DLGAP1: variants seen among roughly 807,000 people sequenced by gnomAD.
DLGAP1 encodes the protein disks large-associated protein 1.
DLGAP1 carries 11 observed loss-of-function variants against 90.8 expected under a neutral mutation model. The ratio of observed to expected loss-of-function variants is 0.12; its 90% CI spans 0.08 to 0.20. The LOEUF (loss-of-function observed/expected upper bound fraction) is 0.20. DLGAP1 is among the 10% of genes least tolerant of loss of function. The pLI is 1.00. For synonymous variants in DLGAP1, 558 were observed against 540.7 expected (o/e 1.03, Z -0.44); for missense variants, 1,050 against 1,333.8 (o/e 0.79, Z 3.31).
At chr18:4,037,281 G>A (rs896421265) in intron 2 of DLGAP1, among the ~76,000 whole-genome samples, 9 of 152,124 alleles carry the variant, frequency 5.9e-5, no homozygotes, top group African/African-American at 1.9e-4. Context: ...TATTAATATG[G>A]ATAGATGGAT....
intron 1 of DLGAP1, among the ~76,000 whole-genome samples, chr18:4,253,462 G>T (rs57096107): frequency 6.6e-6 from 1 of 152,234 alleles, no homozygotes; most frequent in African/African-American, 2.4e-5. Context: ...CCAGGCTGGA[G>T]TGCAGTGGCA....
chr18:3,873,734 T>A (rs749491096), intron 4 of DLGAP1, among the ~76,000 whole-genome samples: 6 of 152,190 alleles, frequency 3.9e-5, no homozygotes, highest in Non-Finnish European at 5.9e-5. Flanking sequence ...AGTGATCTTG[T>A]GTGGTACCTT....
At chr18:4,272,415 A>T (rs1057316015) in intron 1 of DLGAP1, among the ~76,000 whole-genome samples, 3 of 152,220 alleles carry the variant, frequency 2.0e-5, no homozygotes, top group Admixed American at 6.5e-5. Context: ...TGAATATATT[A>T]TCTCACTAAA....
At chr18:3,872,102 C>A (rs2070780730) in intron 4 of DLGAP1, among the ~76,000 whole-genome samples, 1 of 151,460 alleles carries the variant, frequency 6.6e-6, no homozygotes, top group Non-Finnish European at 1.5e-5. Context: ...AAAAAGCAGG[C>A]ATATTGCTAG....
intron 1 of DLGAP1, among the ~76,000 whole-genome samples, chr18:4,333,561 T>C (rs2080998182): frequency 6.6e-6 from 1 of 151,394 alleles, no homozygotes; most frequent in Non-Finnish European, 1.5e-5. Flanking sequence ...GCATTTTCTT[T>C]GGAACCCGGT....
At chr18:4,187,274 T>C (rs2077313021) in intron 1 of DLGAP1, among the ~76,000 whole-genome samples, 1 of 152,106 alleles carries the variant, frequency 6.6e-6, no homozygotes, top group Non-Finnish European at 1.5e-5. Context: ...GGCCAGGACT[T>C]CCAATACTAT....
chr18:3,731,587 T>TC (rs35125650), intron 6 of DLGAP1, among the ~76,000 whole-genome samples: 15 of 147,672 alleles, frequency 1.0e-4, no homozygotes, highest in African/African-American at 3.9e-4. Context: ...TTTTTTTTTT[T>TC]GGAGAGACAG....
intron 1 of DLGAP1, among the ~76,000 whole-genome samples, chr18:4,326,516 A>G (rs656832): frequency 0.52 from 78,705 of 151,962 alleles, 21,434 homozygotes; most frequent in African/African-American, 0.69. Context: ...AATGTAAACT[A>G]TTCTACCATA....
chr18:4,398,524 G>A (rs534342930), intron 1 of DLGAP1, among the ~76,000 whole-genome samples: 144 of 152,262 alleles, frequency 9.5e-4, no homozygotes, highest in Middle Eastern at 6.8e-3. Flanking sequence ...TAGCAGACCC[G>A]CAGTGTCTAT....
chr18:3,818,985 C>T (rs2067250300), intron 4 of DLGAP1, among the ~76,000 whole-genome samples: 1 of 151,910 alleles, frequency 6.6e-6, no homozygotes, highest in Non-Finnish European at 1.5e-5. Context: ...CTGACATTTC[C>T]CCCCACTTTA....
chr18:4,025,369 TGGATTTTCAGATTTG>T (rs1373669728), intron 2 of DLGAP1, among the ~76,000 whole-genome samples: 2 of 152,204 alleles, frequency 1.3e-5, no homozygotes, highest in African/African-American at 4.8e-5. Flanking sequence ...TTTCAGATTT[TGGATTTTCAGATTTG>T]GGATGCTGAT....
chr18:4,109,051 C>G (rs2143971500), intron 2 of DLGAP1, among the ~76,000 whole-genome samples: 1 of 152,296 alleles, frequency 6.6e-6, no homozygotes, highest in African/African-American at 2.4e-5. Context: ...CTTCATTAAA[C>G]AGTGAGCTCC....
At chr18:3,553,071 T>C (rs1453743162) in intron 9 of DLGAP1, among the ~76,000 whole-genome samples, 3 of 152,188 alleles carry the variant, frequency 2.0e-5, no homozygotes, top group Non-Finnish European at 4.4e-5. Flanking sequence ...AAGATACATG[T>C]GTATCCTTTT....
intron 1 of DLGAP1, among the ~76,000 whole-genome samples, chr18:4,309,876 T>A (rs575942723): frequency 2.6e-5 from 4 of 152,256 alleles, no homozygotes; most frequent in Admixed American, 6.5e-5. Flanking sequence ...GATGAGATAA[T>A]GTTTAGCTTC....
At chr18:3,920,105 G>T (rs905984261) in intron 3 of DLGAP1, among the ~76,000 whole-genome samples, 18 of 152,132 alleles carry the variant, frequency 1.2e-4, no homozygotes, top group African/African-American at 4.3e-4. Flanking sequence ...CACTTTGGGA[G>T]GCCGAGGCGG....
chr18:3,674,581 T>A (rs1271462531), intron 7 of DLGAP1, among the ~76,000 whole-genome samples: 1 of 151,734 alleles, frequency 6.6e-6, no homozygotes, highest in Non-Finnish European at 1.5e-5. Flanking sequence ...GATTGTGCCA[T>A]GGCACTTCAG....
At position 4,231,782 on chromosome 18, in the gene DLGAP1, G is replaced by T. The variant is rs559169948; in HGVS notation, c.-266-80495C>A. Among the ~76,000 whole-genome samples, 11 of 152,246 alleles carry T rather than the reference G, an allele frequency of 7.2e-5. 1 individual carries two copies. The South Asian group carries it at 2.3e-3, about 32-fold the overall frequency. On this transcript the variant is annotated intron_variant, in intron 1 of 12. Coordinates refer to ENST00000315677, the MANE Select transcript of DLGAP1 (RefSeq NM_004746.4). ...CAGGACAATGAATGATTCAGAAGGT[G>T]TTTAAATCAAAGCTAATGTATCTAA... is the stretch of plus-strand genomic sequence containing the variant.
intron 3 of DLGAP1, among the ~76,000 whole-genome samples, chr18:3,974,362 C>T (rs549258980): frequency 5.3e-5 from 8 of 152,296 alleles, no homozygotes; most frequent in Admixed American, 2.6e-4. Flanking sequence ...GCAATTCATC[C>T]GTGACCTAAA....
In DLGAP1 at chr18:4,269,853, T is replaced by G. The variant is rs986551910; in HGVS notation, c.-266-118566A>C. 3.1e-4 allele frequency among the ~76,000 whole-genome samples: 47 copies of G among 152,000 alleles called. 1 individual carries two copies. Among genetic ancestry groups the G allele is most frequent in the African/African-American group, 1.1e-3 (47 of 41,264 alleles). On this transcript the variant is annotated intron_variant, in intron 1 of 12. Coordinates refer to ENST00000315677, the MANE Select transcript of DLGAP1 (RefSeq NM_004746.4). ...TGACTATGAGTACTAGGGGGAGAAT[T>G]TCTTGAGTTCTGACTAATTTTGTCC...
Sources: allele counts gnomAD v4.1 joint callset (sites outside exome capture counted in the v4.1 genomes callset), GRCh38; gene constraint gnomAD v4.1.1; transcripts MANE v1.5; gene names NCBI Gene and HGNC (gene_info 2026-07-23, HGNC 2026-07-21).